Variants in BABAM2 observed in about 807,000 individuals in gnomAD.
The protein encoded by BABAM2 is BRISC and BRCA1 A complex member 2.
BABAM2 carries 31 observed loss-of-function variants against 54.7 expected under a neutral mutation model. That is an observed-to-expected ratio of 0.57 (90% CI 0.43 to 0.77). BABAM2 has a LOEUF of 0.77. BABAM2 is among the 30% of genes least tolerant of loss of function. The pLI is 0.00. For synonymous variants in BABAM2, 167 were observed against 162.9 expected (o/e 1.03, Z -0.19); for missense variants, 364 against 455.8 (o/e 0.80, Z 1.83).
intron 4 of BABAM2, among the ~76,000 whole-genome samples, chr2:28,000,677 A>AT (rs1261341892): frequency 6.6e-6 from 1 of 152,088 alleles, no homozygotes; most frequent in East Asian, 1.9e-4. Flanking sequence ...TGCCTGGAAG[A>AT]TTTGTCTATT....
At chr2:28,192,388 A>G (rs1040987246) in intron 7 of BABAM2, among the ~76,000 whole-genome samples, 2 of 152,038 alleles carry the variant, frequency 1.3e-5, no homozygotes, top group Non-Finnish European at 2.9e-5. Flanking sequence ...TGGCACATTT[A>G]TACATACGTA....
intron 7 of BABAM2, among the ~76,000 whole-genome samples, chr2:28,145,854 CT>C (rs1671449009): frequency 1.3e-5 from 2 of 151,894 alleles, no homozygotes; most frequent in South Asian, 4.2e-4. Context: ...TGACTGACTT[CT>C]TTTTTTTAGC....
At chr2:28,183,739 TCACACACACACA>T (rs1286120518) in intron 7 of BABAM2, among the ~76,000 whole-genome samples, 5 of 133,122 alleles carry the variant, frequency 3.8e-5, no homozygotes, top group South Asian at 2.4e-4. Context: ...TGGATGAAGA[TCACACACACACA>T]CACACACACA....
At chr2:28,070,556 C>CTTTTCTCTTTTTT (rs57521666) in intron 6 of BABAM2, among the ~76,000 whole-genome samples, 1 of 147,236 alleles carries the variant, frequency 6.8e-6, no homozygotes, top group Non-Finnish European at 1.5e-5. Flanking sequence ...CTTTTCTTTT[C>CTTTTCTCTTTTTT]TTTTTTTTTT....
At chr2:27,982,844 T>TATACACACACAC (rs1553405520) in intron 3 of BABAM2, among the ~76,000 whole-genome samples, 51 of 127,228 alleles carry the variant, frequency 4.0e-4, no homozygotes, top group African/African-American at 8.0e-4. Context: ...TCATTATGTG[T>TATACACACACAC]ACACACACAC....
chr2:28,138,539 A>G (rs886769268), intron 7 of BABAM2, among the ~76,000 whole-genome samples: 1 of 152,188 alleles, frequency 6.6e-6, no homozygotes, highest in Non-Finnish European at 1.5e-5. Flanking sequence ...TCTATATTCT[A>G]TAGTTCAGTT....
At chr2:28,213,618 T>G (rs1679666503) in intron 7 of BABAM2, among the ~76,000 whole-genome samples, 1 of 152,178 alleles carries the variant, frequency 6.6e-6, no homozygotes, top group African/African-American at 2.4e-5. Context: ...TATTAAAATA[T>G]GCTTATATCC....
chr2:27,994,766 G>C (rs1288123260), intron 4 of BABAM2, among the ~76,000 whole-genome samples: 1 of 152,100 alleles, frequency 6.6e-6, no homozygotes, highest in Non-Finnish European at 1.5e-5. Context: ...GAACATTCTT[G>C]TACATGTCTT....
At chr2:27,927,624 G>A (rs940862944) in intron 2 of BABAM2, among the ~76,000 whole-genome samples, 1 of 152,138 alleles carries the variant, frequency 6.6e-6, no homozygotes, top group Non-Finnish European at 1.5e-5. Context: ...GAAATATGAT[G>A]CCTCTAAAAT....
At chr2:28,105,906 C>G (rs1323367005) in intron 6 of BABAM2, among the ~76,000 whole-genome samples, 1 of 150,220 alleles carries the variant, frequency 6.7e-6, no homozygotes, top group Non-Finnish European at 1.5e-5. Flanking sequence ...AAAGCATGTG[C>G]AATGGGTTTC....
intron 5 of BABAM2, among the ~76,000 whole-genome samples, chr2:28,028,853 G>A (rs1452097051): frequency 6.6e-6 from 1 of 151,948 alleles, no homozygotes. Context: ...TGCAACCTCC[G>A]CCTCCTGGGT....
At chr2:28,160,546 C>G (rs74949966) in intron 7 of BABAM2, among the ~76,000 whole-genome samples, 2 of 152,060 alleles carry the variant, frequency 1.3e-5, no homozygotes, top group Non-Finnish European at 2.9e-5. Flanking sequence ...GCAATGCACA[C>G]GATCACACAA....
At chr2:28,247,673 A>G (rs1248845156) in intron 10 of BABAM2, among the ~76,000 whole-genome samples, 1 of 152,196 alleles carries the variant, frequency 6.6e-6, no homozygotes, top group Non-Finnish European at 1.5e-5. Context: ...ACCTAGCAGG[A>G]CATGAAATAG....
chr2:28,221,911 G>C (rs1240377294), intron 7 of BABAM2, among the ~76,000 whole-genome samples: 2 of 152,114 alleles, frequency 1.3e-5, no homozygotes, highest in Non-Finnish European at 2.9e-5. Context: ...GAACTTAAGG[G>C]CTCGCCTTGC....
At chr2:28,016,279 G>T in intron 4 of BABAM2, 2 of 924,320 alleles carry the variant, frequency 2.2e-6, no homozygotes, top group Non-Finnish European at 3.5e-6. Flanking sequence ...CTTTCTTCCA[G>T]TTCTCATTCA....
chr2:28,205,161 G>A (rs936907553), intron 7 of BABAM2, among the ~76,000 whole-genome samples: 4 of 151,984 alleles, frequency 2.6e-5, no homozygotes, highest in African/African-American at 7.3e-5. Flanking sequence ...TAGGGAAAGA[G>A]GGGCATTTGT....
intron 7 of BABAM2, among the ~76,000 whole-genome samples, chr2:28,228,868 A>T (rs1326420615): frequency 6.6e-6 from 1 of 152,208 alleles, no homozygotes; most frequent in Admixed American, 6.5e-5. Flanking sequence ...CTTGTTTGAG[A>T]TGTTAACAAA....
At chr2:28,091,352 G>C (rs942298397) in intron 6 of BABAM2, among the ~76,000 whole-genome samples, 43 of 152,280 alleles carry the variant, frequency 2.8e-4, no homozygotes, top group African/African-American at 8.9e-4. Flanking sequence ...CATTTGCATA[G>C]GATATATCAG....
chr2:28,056,991 T>C (rs748014966), intron 6 of BABAM2, among the ~76,000 whole-genome samples: 9 of 152,226 alleles, frequency 5.9e-5, no homozygotes, highest in Non-Finnish European at 1.2e-4. Flanking sequence ...AATGCAATTT[T>C]TTAAGGAATG....
Sources: allele counts gnomAD v4.1 joint callset (sites outside exome capture counted in the v4.1 genomes callset), GRCh38; gene constraint gnomAD v4.1.1; transcripts MANE v1.5; gene names NCBI Gene and HGNC (gene_info 2026-07-23, HGNC 2026-07-21).